The following CSMD1 variants were observed in gnomAD, a reference collection of about 807,000 sequenced individuals.
The protein encoded by CSMD1 is CUB and Sushi multiple domains 1.
CSMD1 carries 213 observed loss-of-function variants against 417.5 expected under a neutral mutation model. The observed-to-expected ratio is 0.51, with a 90% CI of 0.46 to 0.57. CSMD1 has a LOEUF of 0.57. Among genes scored for constraint, CSMD1 ranks in the 20% least tolerant of loss-of-function variants. The pLI, the probability that CSMD1 is intolerant of heterozygous loss-of-function variation, is 0.00. For missense variants in CSMD1, 6,923 were observed against 4,529.7 expected (o/e 1.53, Z -15.17); for synonymous variants, 2,862 against 1,736.8 (o/e 1.65, Z -16.11).
chr8:4,265,918 T>G (rs575064060), intron 3 of CSMD1, among the ~76,000 whole-genome samples: 1 of 103,754 alleles, frequency 9.6e-6, no homozygotes, highest in Admixed American at 9.2e-5. Flanking sequence ...TGTGAAGAAA[T>G]AGATTTCCCC....
At chr8:4,586,148 C>G (rs35291101) in intron 2 of CSMD1, among the ~76,000 whole-genome samples, 8,333 of 152,220 alleles carry the variant, frequency 0.055, 329 homozygotes, top group Non-Finnish European at 0.078. Flanking sequence ...TTTGCCATTT[C>G]TTTGTGTTTA....
intron 7 of CSMD1, among the ~76,000 whole-genome samples, chr8:3,680,291 A>T (rs1799582408): frequency 6.6e-6 from 1 of 152,152 alleles, no homozygotes; most frequent in Non-Finnish European, 1.5e-5. Context: ...GACCACTAGC[A>T]AGACTAATAA....
At chr8:3,777,051 C>T (rs1798930286) in intron 5 of CSMD1, among the ~76,000 whole-genome samples, 1 of 151,440 alleles carries the variant, frequency 6.6e-6, no homozygotes, top group Admixed American at 6.6e-5. Flanking sequence ...GGAAATCTGT[C>T]TATATCTGTT....
intron 3 of CSMD1, among the ~76,000 whole-genome samples, chr8:4,264,507 C>A (rs567889073): frequency 6.6e-6 from 1 of 151,962 alleles, no homozygotes; most frequent in Non-Finnish European, 1.5e-5. Context: ...TAATGTGTAC[C>A]CCCCCTGAAG....
Position 3,301,189 on chromosome 8 carries a change from T to C in CSMD1, c.3950+6506A>G, listed in dbSNP as rs185652714. On this transcript the variant is annotated intron_variant, in intron 25 of 69. Transcript: ENST00000635120. ...TAGTTTTATAGACATAAACATAAAT[T>C]TTTAAAATAAAACAAACCATATTGT... 4.9e-4 allele frequency among the ~76,000 whole-genome samples: 74 copies of C among 151,922 alleles called. 1 individual carries two copies. The East Asian group carries it at 0.011, about 23-fold the overall frequency.
intron 3 of CSMD1, among the ~76,000 whole-genome samples, chr8:4,182,356 T>C (rs1338093947): frequency 6.6e-6 from 1 of 152,142 alleles, no homozygotes; most frequent in Non-Finnish European, 1.5e-5. Context: ...ACCTTCCACA[T>C]GCCTTACCCA....
chr8:3,321,058 C>G (rs1449195449), intron 23 of CSMD1, among the ~76,000 whole-genome samples: 1 of 152,180 alleles, frequency 6.6e-6, no homozygotes, highest in Non-Finnish European at 1.5e-5. Flanking sequence ...ACACGCAACT[C>G]TCAATCTCTT....
rs202111583 is a variant in CSMD1 at position 4,802,340 on chromosome 8, A to AGTGTGT, written c.86-164788_86-164783dup. Among the ~76,000 whole-genome samples, 310 of 145,966 alleles carry AGTGTGT rather than the reference A, an allele frequency of 2.1e-3. 4 individuals are homozygous for AGTGTGT. The highest frequency in any genetic ancestry group is 7.8e-3 in the African/African-American group (287 of 36,980). The stretch of plus-strand genomic sequence containing the variant: ...CCTCCAACTAGGAACAAGCAAAATG[A>AGTGTGT]GTGTGTGCGCGCGTGTGTGTGTGTG... On this transcript the variant is annotated intron_variant, in intron 1 of 69. Transcript: ENST00000635120.
At chr8:4,033,705 C>A in intron 3 of CSMD1, among the ~76,000 whole-genome samples, 1 of 152,174 alleles carries the variant, frequency 6.6e-6, no homozygotes, top group Non-Finnish European at 1.5e-5. Flanking sequence ...AAATATTTTA[C>A]ACAGTTTGAC....
chr8:4,687,873 C>T (rs1279335060), intron 1 of CSMD1, among the ~76,000 whole-genome samples: 3 of 151,798 alleles, frequency 2.0e-5, no homozygotes, highest in African/African-American at 7.3e-5. Flanking sequence ...TCATCTCCTG[C>T]ATGCCTGTGT....
chr8:4,230,283 T>C (rs1801637104), intron 3 of CSMD1, among the ~76,000 whole-genome samples: 1 of 152,226 alleles, frequency 6.6e-6, no homozygotes, highest in Non-Finnish European at 1.5e-5. Context: ...TCTAGATTTA[T>C]ATTAAAACAT....
chr8:4,121,137 C>A (rs998438614), intron 3 of CSMD1, among the ~76,000 whole-genome samples: 1 of 151,540 alleles, frequency 6.6e-6, no homozygotes, highest in African/African-American at 2.4e-5. Flanking sequence ...TATTTTTGGG[C>A]AGAGTCTCAC....
At chr8:4,293,063 G>C (rs911417007) in intron 3 of CSMD1, among the ~76,000 whole-genome samples, 1 of 152,240 alleles carries the variant, frequency 6.6e-6, no homozygotes, top group East Asian at 1.9e-4. Flanking sequence ...CCAGAGCTGC[G>C]TCTGGAGTAG....
intron 3 of CSMD1, among the ~76,000 whole-genome samples, chr8:4,177,936 C>A (rs13261443): frequency 0.27 from 40,492 of 151,772 alleles, 5,534 homozygotes; most frequent in South Asian, 0.41. Flanking sequence ...TGGCAACAAT[C>A]AATAGCTTAT....
rs2975363 is a variant in CSMD1 at position 3,864,178 on chromosome 8, C to G, written c.819-110136G>C. Reference sequence around the variant, plus strand: ...CACCTTTAATATTATAGGAAATCTGCTAAATGATAAAAACAGAATAATAAT... The same window carrying G: ...CACCTTTAATATTATAGGAAATCTGGTAAATGATAAAAACAGAATAATAAT... On this transcript the variant is annotated intron_variant, in intron 5 of 69. Coordinates refer to ENST00000635120, the MANE Select transcript of CSMD1 (RefSeq NM_033225.6). Among the ~76,000 whole-genome samples, 519 of 152,194 alleles carry G rather than the reference C, an allele frequency of 3.4e-3. 6 individuals carry two copies. The highest frequency in any genetic ancestry group is 0.012 in the African/African-American group (508 of 41,542).
chr8:4,123,594 T>G (rs1432516017), intron 3 of CSMD1, among the ~76,000 whole-genome samples: 1 of 152,312 alleles, frequency 6.6e-6, no homozygotes, highest in African/African-American at 2.4e-5. Flanking sequence ...TCTATGGTTT[T>G]TATCACTTTT....
At chr8:4,799,283 T>A (rs1355159565) in intron 1 of CSMD1, among the ~76,000 whole-genome samples, 1 of 152,128 alleles carries the variant, frequency 6.6e-6, no homozygotes, top group Non-Finnish European at 1.5e-5. Context: ...AATGATCAAT[T>A]GGTAAAGAAG....
intron 6 of CSMD1, among the ~76,000 whole-genome samples, chr8:3,734,301 C>G (rs1051474960): frequency 2.0e-5 from 3 of 152,178 alleles, no homozygotes; most frequent in South Asian, 4.1e-4. Context: ...CAGGCGGGGT[C>G]TGCTGCATCT....
intron 4 of CSMD1, among the ~76,000 whole-genome samples, chr8:4,021,168 G>C (rs143472639): frequency 6.6e-6 from 1 of 152,134 alleles, no homozygotes; most frequent in Non-Finnish European, 1.5e-5. Context: ...CGTGAAATGT[G>C]GCTAGTCAGC....
Sources: allele counts gnomAD v4.1 joint callset (sites outside exome capture counted in the v4.1 genomes callset), GRCh38; gene constraint gnomAD v4.1.1; transcripts MANE v1.5; gene names NCBI Gene and HGNC (gene_info 2026-07-23, HGNC 2026-07-21).